Variants in PPP1R18 observed in about 807,000 individuals in gnomAD.
PPP1R18 encodes the protein protein phosphatase 1 regulatory subunit 18, also known as phostensin.
In PPP1R18, 31 loss-of-function variants were observed where a neutral mutation model predicts 54.8. The observed-to-expected ratio is 0.57, with a 90% CI of 0.43 to 0.76. The LOEUF is 0.76. Among genes scored for constraint, PPP1R18 ranks in the 30% least tolerant of loss-of-function variants. PPP1R18 has a pLI of 0.00. For missense variants in PPP1R18, 685 were observed against 776.1 expected (o/e 0.88, Z 1.39); for synonymous variants, 310 against 320.2 (o/e 0.97, Z 0.34).
Position 30,685,843 on chromosome 6 carries a change from C to T in PPP1R18, c.176G>A (p.Ser59Asn), listed in dbSNP as rs777948012. The T allele has an allele frequency of 1.9e-6, 3 of 1,612,754 alleles. No individual in the cohort carries two copies. Among genetic ancestry groups the T allele is most frequent in the Non-Finnish European group, 2.5e-6 (3 of 1,180,016 alleles). ...AKLGLSPGEP[S>N]PVLGTVEAGP... ...AGCCTCTACAGTCCCTAGCACAGGG[C>T]TAGGCTCCCCAGGGGACAGCCCAAG... is the stretch of plus-strand genomic sequence containing the variant. Residue 59 changes from serine (S) to asparagine (N), a missense_variant, in exon 1 of 3, where the codon AGC becomes AAC. Coordinates refer to ENST00000274853, the MANE Select transcript of PPP1R18 (RefSeq NM_133471.4). This position sits in a 1 kb window ranked among gnomAD's most constrained non-coding sequence, Gnocchi z 5.0.
upstream of PPP1R18, chr6:30,688,389 G>GA: frequency 1.8e-6 from 1 of 546,882 alleles, no homozygotes. The surrounding 1 kb of genome is among the most constrained non-coding windows in gnomAD (Gnocchi z 5.9). Flanking sequence ...TGTTGAGGGG[G>GA]AGAGTGTCAT....
chr6:30,680,909 C>T (rs1228350706), intron 1 of PPP1R18, among the ~76,000 whole-genome samples: 1 of 151,590 alleles, frequency 6.6e-6, no homozygotes, highest in East Asian at 1.9e-4. Flanking sequence ...CATGGTGAAA[C>T]CTGTCTCTAC....
Position 30,684,550 on chromosome 6 carries a change from G to A in PPP1R18, c.1469C>T (p.Ser490Phe). Residue 490 changes from serine (S) to phenylalanine (F), a missense_variant, in exon 1 of 3, where the codon TCT (serine) becomes TTT (phenylalanine). By Grantham distance (155) the Ser-to-Phe change is radical. Transcript: ENST00000274853. The surrounding 1 kb of genome is among the most constrained non-coding windows in gnomAD (Gnocchi z 6.0). ...VPPATPATPT[S>F]PATVDAAVPG... is the part of the protein sequence containing the mutation. Reference sequence around the variant, plus strand: ...GACTGCAGCATCAACTGTGGCTGGAGAGGTTGGGGTGGCTGGGGTCGCAGG... The same window carrying A: ...GACTGCAGCATCAACTGTGGCTGGAAAGGTTGGGGTGGCTGGGGTCGCAGG... 1 of 1,612,300 alleles carries A rather than the reference G, an allele frequency of 6.2e-7. No individual in the cohort carries two copies.
chr6:30,677,408 A>G, intron 2 of PPP1R18, 120 bp from the exon 3 acceptor site: 2 of 778,438 alleles, frequency 2.6e-6, no homozygotes, highest in South Asian at 3.7e-5. Flanking sequence ...AATATCTTCC[A>G]TATCTAAAGC....
At chr6:30,681,406 A>G (rs1443273329) in intron 1 of PPP1R18, among the ~76,000 whole-genome samples, 1 of 151,746 alleles carries the variant, frequency 6.6e-6, no homozygotes, top group South Asian at 2.1e-4. Flanking sequence ...TTTTTCCATA[A>G]TCACTTACCA....
chr6:30,685,169 C>G lies in PPP1R18; in HGVS notation c.850G>C (p.Val284Leu), dbSNP rs188688453. 3.0e-4 allele frequency: 491 copies of G among 1,613,134 alleles called. 1 individual carries two copies. The East Asian group carries it at 4.0e-3, about 13-fold the overall frequency. ...EECGRKEEWP[V>L]PGVAPKETAE... The stretch of plus-strand genomic sequence containing the variant: ...GTCTCTTTTGGAGCTACCCCTGGAA[C>G]TGGCCACTCTTCTTTTCTCCCACAT... The change falls in exon 1 of 3, where the codon GTT becomes CTT. Residue 284 changes from valine (V) to leucine (L), a missense_variant. By Grantham distance (32) the Val-to-Leu change is conservative. Transcript: ENST00000274853. The surrounding 1 kb of genome is among the most constrained non-coding windows in gnomAD (Gnocchi z 5.0).
Position 30,685,340 on chromosome 6 carries a change from C to T in PPP1R18, c.679G>A (p.Glu227Lys). 1 of 1,613,112 alleles carries T rather than the reference C, an allele frequency of 6.2e-7. No homozygotes were observed. The highest frequency in any genetic ancestry group is 8.5e-7 in the Non-Finnish European group (1 of 1,180,032). ...AGGCCCAACTTCTGGTAGGCAGATT[C>T]CCCTGGGCTCAGTCTACTTTCCACC... Reference protein sequence around the residue: ...KEVESRLSPGESAYQKLGLTE... With the variant: ...KEVESRLSPGKSAYQKLGLTE... Residue 227 changes from glutamate (E) to lysine (K), a missense_variant, in exon 1 of 3, where the codon GAA becomes AAA. Coordinates refer to ENST00000274853, the MANE Select transcript of PPP1R18 (RefSeq NM_133471.4). This position sits in a 1 kb window ranked among gnomAD's most constrained non-coding sequence, Gnocchi z 5.0.
rs769108220 is a variant in PPP1R18 at position 30,686,125 on chromosome 6, A to G, written c.-107T>C. 1.1e-5 allele frequency: 13 copies of G among 1,185,988 alleles called. No individual in the cohort carries two copies. Among genetic ancestry groups the G allele is most frequent in the Non-Finnish European group, 8.2e-6 (7 of 849,806 alleles). 73.5% of individuals were successfully genotyped at this position (1,185,988 alleles called of 1,614,324 possible). On this transcript the variant is annotated 5_prime_UTR_variant, in exon 1 of 3. Transcript: ENST00000274853. ...TGAGACTGAGGGTGGGAGGAGAGGA[A>G]GTGGAGGGGGAGAGGTGGGACACAA...
rs750573584 is a variant in PPP1R18 at position 30,684,397 on chromosome 6, T to C, written c.1611+11A>G. 1 of 1,529,150 alleles carries C rather than the reference T, an allele frequency of 6.5e-7. No individual in the cohort carries two copies. The highest frequency in any genetic ancestry group is 8.8e-7 in the Non-Finnish European group (1 of 1,136,458). 94.7% of individuals were successfully genotyped at this position (1,529,150 alleles called of 1,614,324 possible). On this transcript the variant is annotated intron_variant, in intron 1 of 2. Transcript: ENST00000274853. This position sits in a 1 kb window ranked among gnomAD's most constrained non-coding sequence, Gnocchi z 6.0. ...GGACTTCTAAGAAGTCTGGCTTGGC[T>C]GCTTCCCTACCTGTTTGTGGTGTCT...
chr6:30,681,042 G>A (rs9468808), intron 1 of PPP1R18, among the ~76,000 whole-genome samples: 10,951 of 145,032 alleles, frequency 0.076, 760 homozygotes, highest in African/African-American at 0.18. Context: ...CCGAGGTCGC[G>A]CCACTGCTCT....
chr6:30,678,713 C>T (rs1454691382), intron 2 of PPP1R18, among the ~76,000 whole-genome samples: 3 of 152,040 alleles, frequency 2.0e-5, no homozygotes, highest in Non-Finnish European at 4.4e-5. Context: ...TTTGTAGAGA[C>T]AGGATTTTGC....
rs1409566167 is a variant in PPP1R18 at position 30,679,305 on chromosome 6, C to T, written c.1696G>A (p.Glu566Lys). 3 of 1,545,260 alleles carry T rather than the reference C, an allele frequency of 1.9e-6. No homozygotes were observed. The highest frequency in any genetic ancestry group is 1.4e-5 in the African/African-American group (1 of 71,626). The change falls in exon 2 of 3, where the codon GAG becomes AAG. Residue 566 changes from glutamate to lysine, a missense_variant. Transcript: ENST00000274853. Reference protein sequence around the residue: ...ESSVLEELGPEPEVPSAPNPP... With the variant: ...ESSVLEELGPKPEVPSAPNPP... ...TTGGGGGCACTGGGGACCTCAGGCT[C>T]CGGGCCCAGCTCCTCCAGTACCGAA...
At chr6:30,679,465 C>CG (rs1770408229) in intron 1 of PPP1R18, 76 bp from the exon 2 acceptor site, 2 of 36,980 alleles carry the variant, frequency 5.4e-5, no homozygotes, top group South Asian at 2.6e-4. Context: ...GGAGAGAAAG[C>CG]GGGGGCGGGG....
At chr6:30,678,522 C>T (rs895014954) in intron 2 of PPP1R18, among the ~76,000 whole-genome samples, 21 of 151,996 alleles carry the variant, frequency 1.4e-4, no homozygotes, top group African/African-American at 5.1e-4. Context: ...ACTACAGGTG[C>T]CCGCCACCAC....
chr6:30,684,526 A>C lies in PPP1R18; in HGVS notation c.1493T>G (p.Val498Gly). ...GTACCGCTTCTTCCCAGCCCCCGGGACTGCAGCATCAACTGTGGCTGGAGA... is the reference window on the plus strand; with the variant it reads ...GTACCGCTTCTTCCCAGCCCCCGGGCCTGCAGCATCAACTGTGGCTGGAGA... ...PTSPATVDAA[V>G]PGAGKKRYPT... is the part of the protein sequence containing the mutation. The change falls in exon 1 of 3, where the codon GTC (valine) becomes GGC (glycine). Residue 498 changes from valine (V) to glycine (G), a missense_variant. Transcript: ENST00000274853. The surrounding 1 kb of genome is among the most constrained non-coding windows in gnomAD (Gnocchi z 6.0). The C allele has an allele frequency of 1.9e-6, 3 of 1,612,646 alleles. No homozygotes were observed. Among genetic ancestry groups the C allele is most frequent in the Non-Finnish European group, 2.5e-6 (3 of 1,179,824 alleles).
intron 2 of PPP1R18, among the ~76,000 whole-genome samples, chr6:30,677,839 G>A (rs1179330848): frequency 2.0e-5 from 3 of 151,362 alleles, no homozygotes; most frequent in Admixed American, 6.6e-5. Flanking sequence ...AGAGGGAGAC[G>A]CTGTCTCAAA....
rs1455319292 is a variant in PPP1R18, at chr6:30,677,027, C to G, written c.*242G>C. 1 of 669,632 alleles carries G rather than the reference C, an allele frequency of 1.5e-6. No homozygotes were observed. Among genetic ancestry groups the G allele is most frequent in the Non-Finnish European group, 2.7e-6 (1 of 370,918 alleles). 41.5% of individuals were successfully genotyped at this position (669,632 alleles called of 1,614,324 possible). Reference sequence around the variant, plus strand: ...GCCCCTTCTCAGGACTTGGCGCTCACTCTTGGATGACCTAGGATGCACCAG... The same window carrying G: ...GCCCCTTCTCAGGACTTGGCGCTCAGTCTTGGATGACCTAGGATGCACCAG... On this transcript the variant is annotated 3_prime_UTR_variant, in exon 3 of 3. Transcript: ENST00000274853.
At chr6:30,677,811 C>T (rs1202341040) in intron 2 of PPP1R18, among the ~76,000 whole-genome samples, 3 of 152,090 alleles carry the variant, frequency 2.0e-5, no homozygotes, top group African/African-American at 7.2e-5. Flanking sequence ...TGTGCCACTG[C>T]ATTCCAGTCC....
chr6:30,685,132 G>C lies in PPP1R18; in HGVS notation c.887C>G (p.Ser296Cys). The change falls in exon 1 of 3, where the codon TCC becomes TGC. Residue 296 changes from serine to cysteine, a missense_variant. Transcript: ENST00000274853. The surrounding 1 kb of genome is among the most constrained non-coding windows in gnomAD (Gnocchi z 5.0). ...GVAPKETAEL[S>C]ETLTREAQGN... ...TTGGGCCTCCCTTGTCAGGGTCTCG[G>C]ACAGCTCTGCAGTCTCTTTTGGAGC... is the stretch of plus-strand genomic sequence containing the variant. The C allele has an allele frequency of 6.2e-7, 1 of 1,613,104 alleles. No individual in the cohort carries two copies. The highest frequency in any genetic ancestry group is 8.5e-7 in the Non-Finnish European group (1 of 1,180,024).
Sources: gnomAD v4.1 joint callset for allele counts (sites outside exome capture counted in the v4.1 genomes callset) on GRCh38, gnomAD v4.1.1 for gene constraint, Gnocchi (gnomAD v3.1) non-coding constraint, MANE v1.5 for transcripts, NCBI Gene and HGNC (gene_info 2026-07-23, HGNC 2026-07-21) for gene names.